The following C11orf54 variants were observed in gnomAD, a reference collection of about 807,000 sequenced individuals.
The protein encoded by C11orf54 is beta-keto L-gulonate decarboxylase.
Under a neutral mutation model 35.5 loss-of-function variants are expected in C11orf54, and 29 were observed. The observed-to-expected ratio is 0.82, with a 90% confidence interval of 0.61 to 1.11. The LOEUF is 1.11. Ranked by LOEUF, C11orf54 falls within the 50% of genes most tolerant of loss-of-function variation. The probability of loss-of-function intolerance (pLI) is 0.00; values close to 1 mark genes in which losing one functional copy is unlikely to be tolerated. For synonymous variants in C11orf54, 108 were observed against 121.1 expected (o/e 0.89, Z 0.71); for missense variants, 373 against 369.2 (o/e 1.01, Z -0.08).
chr11:93,755,031 C>G, intron 5 of C11orf54, 179 bp from the exon 6 acceptor site: 1 of 624,936 alleles, frequency 1.6e-6, no homozygotes, highest in African/African-American at 1.9e-5. Flanking sequence ...GCCACAGCGC[C>G]CGGCCTATAA....
At chr11:93,760,856 G>A (rs528283287) in intron 8 of C11orf54, among the ~76,000 whole-genome samples, 19 of 151,614 alleles carry the variant, frequency 1.3e-4, no homozygotes, top group Admixed American at 2.0e-4. Context: ...ACAGGGTTTC[G>A]CCATGTTGAC....
At chr11:93,756,012 C>G (rs1003078695) in intron 6 of C11orf54, among the ~76,000 whole-genome samples, 1 of 151,648 alleles carries the variant, frequency 6.6e-6, no homozygotes, top group African/African-American at 2.4e-5. Context: ...ACTAAAAATA[C>G]AAAAATTAGA....
At chr11:93,750,232 T>C in intron 2 of C11orf54, 114 bp from the exon 3 acceptor site, 1 of 717,436 alleles carries the variant, frequency 1.4e-6, no homozygotes, top group East Asian at 2.6e-5. Flanking sequence ...TCCCCCTTCT[T>C]TTTTATTATA....
At chr11:93,746,802 CA>C (rs1420288234) in intron 1 of C11orf54, 1 of 152,086 alleles carries the variant, frequency 6.6e-6, no homozygotes, top group Non-Finnish European at 1.5e-5. Context: ...GAATAAAAAA[CA>C]CACATATCTA....
At chr11:93,759,952 T>G in intron 8 of C11orf54, 94 bp downstream of exon 8, 1 of 778,844 alleles carries the variant, frequency 1.3e-6, no homozygotes. Context: ...TGTTTGTTGT[T>G]GTTGTTGTTT....
rs1412274468 is a variant in C11orf54 at position 93,762,242 on chromosome 11, T to C, written c.*554T>C. 1 of 152,240 alleles carries C rather than the reference T, an allele frequency of 6.6e-6. No homozygotes were observed. The highest frequency in any genetic ancestry group is 1.5e-5 in the Non-Finnish European group (1 of 68,034). The allele number at this position is 152,240 out of a possible 1,614,324, so 9.4% of individuals were successfully genotyped here. A position where few individuals can be genotyped will look rare whatever the true frequency, so the allele number is the denominator to read the frequency against. On this transcript the variant is annotated 3_prime_UTR_variant, in exon 9 of 9. Transcript: ENST00000354421. ...TAGTATCACAACTGCTAAGTAGATG[T>C]TTCTGAGTATTAGAAAAATCAGTGT...
chr11:93,745,099 C>T (rs537219777), intron 1 of C11orf54, among the ~76,000 whole-genome samples: 1 of 152,330 alleles, frequency 6.6e-6, no homozygotes, highest in African/African-American at 2.4e-5. Flanking sequence ...CATATCTCCC[C>T]TCCAGCCACA....
chr11:93,750,778 T>C (rs1218296387), intron 3 of C11orf54, among the ~76,000 whole-genome samples: 1 of 152,246 alleles, frequency 6.6e-6, no homozygotes, highest in Non-Finnish European at 1.5e-5. Flanking sequence ...TATGATTTTA[T>C]TTATTCAAGA....
At chr11:93,758,847 C>T (rs934993564) in intron 7 of C11orf54, among the ~76,000 whole-genome samples, 4 of 152,220 alleles carry the variant, frequency 2.6e-5, no homozygotes, top group African/African-American at 9.6e-5. Flanking sequence ...GGCGGGTTTC[C>T]GGTGAGGCCC....
At chr11:93,747,263 T>C in intron 1 of C11orf54, 34 bp from the exon 2 acceptor site, 1 of 577,694 alleles carries the variant, frequency 1.7e-6, no homozygotes, top group South Asian at 3.5e-5. Flanking sequence ...TTTTGTTCTG[T>C]TTATATGTTT....
At chr11:93,757,553 G>A (rs1428515835) in intron 7 of C11orf54, 88 bp downstream of exon 7, 5 of 1,309,978 alleles carry the variant, frequency 3.8e-6, no homozygotes, top group Non-Finnish European at 5.2e-6. Context: ...TTTTTTAAAC[G>A]GATCCTTGCT....
chr11:93,742,962 A>C (rs1330054965), intron 1 of C11orf54: 1 of 152,178 alleles, frequency 6.6e-6, no homozygotes, highest in Non-Finnish European at 1.5e-5. Context: ...CTAATGCAGA[A>C]TCATTGAAAT....
Position 93,755,518 on chromosome 11 carries a change from T to C in C11orf54, c.507+132T>C, listed in dbSNP as rs928205417. 10 of 914,738 alleles carry C rather than the reference T, an allele frequency of 1.1e-5. No homozygotes were observed. In the East Asian group the frequency reaches 2.7e-4, roughly 25 times the overall value. The allele number at this position is 914,738 out of a possible 1,614,324, so 56.7% of individuals were successfully genotyped here. A position where few individuals can be genotyped will look rare whatever the true frequency, so the allele number is the denominator to read the frequency against. ...ACTTTGGGAGGCCAAGCTGGGTGGATAACTTGAGGTCAACTTGAGGTCAGG... is the reference window on the plus strand; with the variant it reads ...ACTTTGGGAGGCCAAGCTGGGTGGACAACTTGAGGTCAACTTGAGGTCAGG... On this transcript the variant is annotated intron_variant, in intron 6 of 8. Transcript: ENST00000354421.
intron 8 of C11orf54, among the ~76,000 whole-genome samples, 154 bp from the exon 9 acceptor site, chr11:93,761,361 C>A (rs1943458570): frequency 1.3e-5 from 2 of 152,208 alleles, no homozygotes; most frequent in African/African-American, 4.8e-5. Flanking sequence ...ATACATTTTA[C>A]TGAATACATC....
intron 1 of C11orf54, among the ~76,000 whole-genome samples, chr11:93,745,070 A>C (rs1219132357): frequency 6.6e-6 from 1 of 152,242 alleles, no homozygotes; most frequent in African/African-American, 2.4e-5. Context: ...AAAGAGTAAC[A>C]GAGCAGTATT....
At position 93,762,774 on chromosome 11, in the gene C11orf54, CTTACT is replaced by C. The variant is rs1251154841; in HGVS notation, c.*1090_*1094del. 2 of 152,160 alleles carry C rather than the reference CTTACT, an allele frequency of 1.3e-5. No individual in the cohort carries two copies. Among genetic ancestry groups the C allele is most frequent in the Non-Finnish European group, 2.9e-5 (2 of 68,018 alleles). 9.4% of individuals were successfully genotyped at this position (152,160 alleles called of 1,614,324 possible). On this transcript the variant is annotated 3_prime_UTR_variant, in exon 9 of 9. Transcript: ENST00000354421. ...CATCAGAGTGCAACACTGAAGTGAG[CTTACT>C]TTAATTTGTAAGTGAAGCTGTTGCT...
intron 3 of C11orf54, among the ~76,000 whole-genome samples, chr11:93,752,894 T>C (rs536867001): frequency 6.6e-6 from 1 of 152,084 alleles, no homozygotes; most frequent in Non-Finnish European, 1.5e-5. Context: ...CCCAGCCTCC[T>C]GAGTAGTACG....
In C11orf54 at chr11:93,761,591, C is replaced by G. The variant is rs762509321; in HGVS notation, c.851C>G (p.Thr284Ser). Residue 284 changes from threonine to serine, a missense_variant, in exon 9 of 9, where the codon ACT (threonine) becomes AGT (serine). Physicochemically the swap from Thr to Ser is moderately conservative, Grantham distance 58 (BLOSUM62 1). Transcript: ENST00000354421. ...GGTGGACACTACCATTATGACACTA[C>G]TCCAGATATAGTGGAATATCTTGGA... ...GEGGHYHYDTTPDIVEYLGYF... is the reference protein window; with the variant it reads ...GEGGHYHYDTSPDIVEYLGYF... 6.2e-7 allele frequency: 1 copy of G among 1,613,360 alleles called. No individual in the cohort carries two copies. Among genetic ancestry groups the G allele is most frequent in the East Asian group, 2.2e-5 (1 of 44,838 alleles).
At chr11:93,747,814 C>A (rs1332416009) in intron 2 of C11orf54, among the ~76,000 whole-genome samples, 1 of 152,068 alleles carries the variant, frequency 6.6e-6, no homozygotes, top group African/African-American at 2.4e-5. Context: ...TTACATTATT[C>A]TTTAAATGTA....
Sources: gnomAD v4.1 joint callset for allele counts (sites outside exome capture counted in the v4.1 genomes callset) on GRCh38, gnomAD v4.1.1 for gene constraint, MANE v1.5 for transcripts, NCBI Gene and HGNC (gene_info 2026-07-23, HGNC 2026-07-21) for gene names.